Variants in PABPC4 observed in about 807,000 individuals in gnomAD.
The protein encoded by PABPC4 is poly(A) binding protein cytoplasmic 4.
A neutral mutation model predicts 74.5 loss-of-function variants in PABPC4; 15 were observed. That is an observed-to-expected ratio of 0.20 (90% CI 0.13 to 0.31). The LOEUF (loss-of-function observed/expected upper bound fraction) is 0.31. Among genes scored for constraint, PABPC4 ranks in the 10% least tolerant of loss-of-function variants. The pLI is 1.00. For missense variants in PABPC4, 610 were observed against 853.5 expected, an observed-to-expected ratio of 0.71 and a Z score of 3.55; for synonymous variants, 345 against 303.0, an observed-to-expected ratio of 1.14 and a Z score of -1.44.
chr1:39,568,145 T>C (rs1181551665), intron 6 of PABPC4: 3 of 246,388 alleles, frequency 1.2e-5, no homozygotes, highest in African/African-American at 2.3e-5. Context: ...TAGTCCCAGC[T>C]ACTCAGGAGG....
At chr1:39,570,121 AC>A in intron 3 of PABPC4, 119 bp from the exon 4 acceptor site, 1 of 981,112 alleles carries the variant, frequency 1.0e-6, no homozygotes, top group Non-Finnish European at 1.5e-6. Context: ...ATCCCCATCC[AC>A]CACCAAGGAG....
chr1:39,563,545 G>A (rs1204889986), intron 12 of PABPC4, 69 bp downstream of exon 12: 17 of 1,561,304 alleles, frequency 1.1e-5, no homozygotes, highest in Non-Finnish European at 1.5e-5. Context: ...GGAATCAAAA[G>A]CACAGCTTCT....
rs781633696 is a variant in PABPC4, at chr1:39,564,500, C to T, written c.1376G>A (p.Arg459His). ...TGGAGCCAGATGGCGAAGAGTTGGACGAGGCCCAGACTGGCGTATAGCACT... is the reference window on the plus strand; with the variant it reads ...TGGAGCCAGATGGCGAAGAGTTGGATGAGGCCCAGACTGGCGTATAGCACT... ...MPSAIRQSGP[R>H]PTLRHLAPTG... The change falls in exon 10 of 16, where the codon CGT becomes CAT. Residue 459 changes from arginine (R) to histidine (H), a missense_variant. This residue lies in a region of PABPC4 where 277 missense variants were observed against 301.8 expected (regional missense o/e 0.92). Transcript: ENST00000372858. 4 of 1,614,206 alleles carry T rather than the reference C, an allele frequency of 2.5e-6. No individual in the cohort carries two copies. Among genetic ancestry groups the T allele is most frequent in the South Asian group, 1.1e-5 (1 of 91,078 alleles).
At chr1:39,567,106 G>C (rs989705169) in intron 7 of PABPC4, among the ~76,000 whole-genome samples, 2 of 152,094 alleles carry the variant, frequency 1.3e-5, no homozygotes, top group African/African-American at 4.8e-5. Context: ...TTTCCATCCT[G>C]CTCCCAAAGT....
chr1:39,567,884 T>C (rs759501812), intron 6 of PABPC4, 38 bp from the exon 7 acceptor site: 1 of 1,155,802 alleles, frequency 8.7e-7, no homozygotes, highest in Non-Finnish European at 1.3e-6. Flanking sequence ...CACTTCTATA[T>C]CACAAATATT....
chr1:39,566,895 A>G (rs1290449514), intron 7 of PABPC4, among the ~76,000 whole-genome samples: 2 of 152,192 alleles, frequency 1.3e-5, no homozygotes, highest in Non-Finnish European at 2.9e-5. Context: ...CCAACTCCCT[A>G]CTACAACTGA....
At chr1:39,571,012 G>C (rs1570393856) in intron 3 of PABPC4, 1 of 1,390,376 alleles carries the variant, frequency 7.2e-7, no homozygotes, top group Non-Finnish European at 9.4e-7. Flanking sequence ...CTTTAAGGGA[G>C]AGGCGGCAGG....
chr1:39,564,903 G>C, intron 8 of PABPC4, 130 bp from the exon 9 acceptor site: 1 of 879,432 alleles, frequency 1.1e-6, no homozygotes, highest in African/African-American at 1.7e-5. Context: ...AGAGCTGAGG[G>C]GTCAGCTAAT....
chr1:39,574,068 C>G (rs1645980497), intron 1 of PABPC4, among the ~76,000 whole-genome samples: 1 of 152,122 alleles, frequency 6.6e-6, no homozygotes, highest in South Asian at 2.1e-4. Context: ...GGACAAAATT[C>G]CCCAACTCTG....
At chr1:39,567,572 G>GT (rs763358288) in intron 7 of PABPC4, 179 bp downstream of exon 7, 1 of 699,794 alleles carries the variant, frequency 1.4e-6, no homozygotes, top group Non-Finnish European at 2.7e-6. Flanking sequence ...GGGAAACAGT[G>GT]TAATGTTAAC....
At chr1:39,575,253 C>T (rs543343263) in intron 1 of PABPC4, among the ~76,000 whole-genome samples, 3 of 152,326 alleles carry the variant, frequency 2.0e-5, no homozygotes, top group East Asian at 3.9e-4. Flanking sequence ...CAGAAACCTT[C>T]CCCCTGCTTC....
At chr1:39,561,334 G>A in intron 15 of PABPC4, 1 of 343,036 alleles carries the variant, frequency 2.9e-6, no homozygotes, top group South Asian at 2.4e-5. Flanking sequence ...GGCTCCTGAG[G>A]CCCTTGACAA....
chr1:39,569,574 CAA>C lies in PABPC4; in HGVS notation c.738+19_738+20del, dbSNP rs371306424. On this transcript the variant is annotated intron_variant, in intron 5 of 15. Transcript: ENST00000372858. ...GGGGCAACCTCTTAAAAGCTTTTCC[CAA>C]TCTTTGTGGTATACTCACCTTATTG... The C allele has an allele frequency of 8.1e-5, 129 of 1,595,236 alleles. 1 individual carries two copies. The African/African-American group carries it at 1.3e-3, about 16-fold the overall frequency.
In PABPC4 at chr1:39,576,068, C is replaced by G; in HGVS notation, c.-117G>C. 1 of 683,710 alleles carries G rather than the reference C, an allele frequency of 1.5e-6. No homozygotes were observed. The highest frequency in any genetic ancestry group is 2.3e-6 in the Non-Finnish European group (1 of 442,286). The allele number at this position is 683,710 out of a possible 1,614,324, so 42.4% of individuals were successfully genotyped here. A position where few individuals can be genotyped will look rare whatever the true frequency, so the allele number is the denominator to read the frequency against. ...CGCCGCGGCTCACAGGTGGCACCGGCGCGGCGAGGACGAGCTGGAGTCGGC... is the reference window on the plus strand; with the variant it reads ...CGCCGCGGCTCACAGGTGGCACCGGGGCGGCGAGGACGAGCTGGAGTCGGC... On this transcript the variant is annotated 5_prime_UTR_variant, in exon 1 of 16. Transcript: ENST00000372858.
intron 7 of PABPC4, among the ~76,000 whole-genome samples, chr1:39,565,608 T>C (rs191390310): frequency 1.7e-3 from 265 of 152,092 alleles, no homozygotes; most frequent in African/African-American, 6.1e-3. Flanking sequence ...GGTGGGTGGA[T>C]CACGAGGTCA....
At chr1:39,569,427 C>A (rs1329256109) in intron 5 of PABPC4, 168 bp downstream of exon 5, 4 of 619,058 alleles carry the variant, frequency 6.5e-6, no homozygotes, top group Non-Finnish European at 1.2e-5. Context: ...TAAACACCTA[C>A]ATGAAGTTAA....
In PABPC4 at chr1:39,569,619, G is replaced by A. The variant is rs978254136; in HGVS notation, c.714C>T (p.Tyr238=). 1.1e-5 allele frequency: 17 copies of A among 1,613,736 alleles called. No individual in the cohort carries two copies. The highest frequency in any genetic ancestry group is 2.2e-5 in the South Asian group (2 of 91,082). The change falls in exon 5 of 16, where the codon TAC becomes TAT. Residue 238 remains tyrosine, a synonymous_variant. Transcript: ENST00000372858. ...GKSKGFGFVS[Y]EKHEDANKAV... ...CCTTATTGGCATCCTCGTGTTTTTC[G>A]TAACTCACAAAGCCAAAGCCTTTGG...
intron 2 of PABPC4, 42 bp from the exon 3 acceptor site, chr1:39,571,391 C>T: frequency 6.2e-7 from 1 of 1,610,578 alleles, no homozygotes; most frequent in South Asian, 1.1e-5. Flanking sequence ...AACTGGCCAG[C>T]TCCTGAGACA....
At chr1:39,562,590 AAC>A in intron 12 of PABPC4, 174 bp from the exon 13 acceptor site, 1 of 574,286 alleles carries the variant, frequency 1.7e-6, no homozygotes, top group Non-Finnish European at 3.1e-6. Flanking sequence ...TGTGTTGAGG[AAC>A]AGAGTGGTAT....
Sources: gnomAD v4.1 joint callset for allele counts (sites outside exome capture counted in the v4.1 genomes callset) on GRCh38, gnomAD v4.1.1 for gene constraint, gnomAD v4.1.1 regional missense constraint, MANE v1.5 for transcripts, NCBI Gene and HGNC (gene_info 2026-07-23, HGNC 2026-07-21) for gene names.